Variants in FGF12 observed in about 807,000 individuals in gnomAD.
FGF12 encodes the protein fibroblast growth factor 12.
In FGF12, 14 loss-of-function variants were observed where a neutral mutation model predicts 23.6. The ratio of observed to expected loss-of-function variants is 0.59; its 90% CI spans 0.39 to 0.93. The LOEUF is 0.93. Ranked by LOEUF, FGF12 falls within the 40% of genes least tolerant of loss-of-function variation. The pLI is 0.00. For synonymous variants in FGF12, 62 were observed against 77.3 expected (o/e 0.80, Z 1.04); for missense variants, 175 against 217.8 (o/e 0.80, Z 1.24).
At chr3:192,312,882 A>G (rs975855423) in intron 4 of FGF12, among the ~76,000 whole-genome samples, 2 of 152,210 alleles carry the variant, frequency 1.3e-5, no homozygotes, top group African/African-American at 4.8e-5. Context: ...GTCTTCTACC[A>G]TGATTAAAGC....
At chr3:192,590,927 A>G (rs1238757007) in intron 2 of FGF12, among the ~76,000 whole-genome samples, 5 of 151,742 alleles carry the variant, frequency 3.3e-5, no homozygotes, top group Admixed American at 1.3e-4. Flanking sequence ...CCCCTTGCTC[A>G]CACAGTTCTC....
chr3:192,625,590 A>G (rs1204624867), intron 2 of FGF12, among the ~76,000 whole-genome samples: 1 of 152,174 alleles, frequency 6.6e-6, no homozygotes, highest in Admixed American at 6.5e-5. Context: ...CTTTTCAGAA[A>G]GCAATACAGA....
intron 2 of FGF12, among the ~76,000 whole-genome samples, chr3:192,553,263 A>C (rs1049984398): frequency 6.6e-6 from 1 of 152,092 alleles, no homozygotes; most frequent in Non-Finnish European, 1.5e-5. Flanking sequence ...TTACTAGTCA[A>C]AGTAAAAAAA....
chr3:192,380,966 A>T (rs1719790546), intron 2 of FGF12, among the ~76,000 whole-genome samples: 1 of 149,602 alleles, frequency 6.7e-6, no homozygotes, highest in Admixed American at 6.7e-5. Context: ...TATATATTTA[A>T]TGACTTGTTC....
chr3:192,488,683 C>A (rs549769986), intron 2 of FGF12, among the ~76,000 whole-genome samples: 36 of 152,142 alleles, frequency 2.4e-4, no homozygotes, highest in Admixed American at 2.0e-3. Flanking sequence ...TGGATGAGAA[C>A]CTCGTCTTGC....
intron 2 of FGF12, among the ~76,000 whole-genome samples, chr3:192,681,430 G>A (rs1026717958): frequency 2.0e-5 from 3 of 152,288 alleles, no homozygotes; most frequent in Middle Eastern, 3.4e-3. Flanking sequence ...AGTAGAGTTC[G>A]AGGTGCTTTG....
intron 2 of FGF12, among the ~76,000 whole-genome samples, chr3:192,471,640 T>G (rs1723175550): frequency 6.6e-6 from 1 of 152,336 alleles, no homozygotes; most frequent in South Asian, 2.1e-4. Flanking sequence ...TGTGTTATTA[T>G]TGTTGATTTC....
In FGF12 at chr3:192,326,522, C is replaced by T. The variant is rs570313623; in HGVS notation, c.228+8839G>A. On this transcript the variant is annotated intron_variant, in intron 4 of 5. Coordinates refer to ENST00000445105, the MANE Select transcript of FGF12 (RefSeq NM_004113.6). ...CTGACACAGCTTTTCAATATAAAAT[C>T]AGTATCGTCATCTCACAATCTTAAC... Among the ~76,000 whole-genome samples the T allele has an allele frequency of 3.3e-5, 5 of 152,250 alleles. No homozygotes were observed. The South Asian group carries it at 1.0e-3, about 32-fold the overall frequency.
At chr3:192,441,886 C>T (rs991421329) in intron 2 of FGF12, among the ~76,000 whole-genome samples, 3 of 152,150 alleles carry the variant, frequency 2.0e-5, no homozygotes, top group African/African-American at 7.2e-5. Flanking sequence ...CATACTTGTA[C>T]CAGAATTTTA....
intron 4 of FGF12, among the ~76,000 whole-genome samples, chr3:192,232,147 A>T (rs1432347916): frequency 6.6e-6 from 1 of 152,062 alleles, no homozygotes; most frequent in East Asian, 1.9e-4. Flanking sequence ...CCCAGGCTAT[A>T]TGTGGTAGCT....
chr3:192,198,967 C>T (rs113153918), intron 4 of FGF12, among the ~76,000 whole-genome samples: 158 of 152,296 alleles, frequency 1.0e-3, no homozygotes, highest in African/African-American at 3.6e-3. Context: ...GAAAATTTTA[C>T]ACATGTGTTG....
chr3:192,220,614 T>C (rs954686358), intron 4 of FGF12, among the ~76,000 whole-genome samples: 7 of 152,128 alleles, frequency 4.6e-5, no homozygotes, highest in Non-Finnish European at 8.8e-5. Flanking sequence ...TGAGATAACA[T>C]GCACACACAG....
chr3:192,300,175 G>C (rs1016331874), intron 4 of FGF12, among the ~76,000 whole-genome samples: 1 of 152,178 alleles, frequency 6.6e-6, no homozygotes, highest in African/African-American at 2.4e-5. Context: ...CCTACCAGGT[G>C]TCCTGGGTTG....
intron 5 of FGF12, among the ~76,000 whole-genome samples, chr3:192,156,193 T>C (rs1714405125): frequency 2.0e-5 from 3 of 152,138 alleles, no homozygotes. Flanking sequence ...AGACTGGAAA[T>C]AACATGAAAA....
chr3:192,226,000 G>A (rs1269084380), intron 4 of FGF12, among the ~76,000 whole-genome samples: 1 of 152,094 alleles, frequency 6.6e-6, no homozygotes, highest in Non-Finnish European at 1.5e-5. Context: ...TTATTTTGGG[G>A]GTGATGAAAA....
intron 2 of FGF12, among the ~76,000 whole-genome samples, chr3:192,449,446 CA>C (rs1017233011): frequency 1.9e-4 from 29 of 152,170 alleles, no homozygotes; most frequent in Non-Finnish European, 2.9e-4. Flanking sequence ...CCAATGTGGA[CA>C]CCATGCATCC....
At chr3:192,378,094 C>CTTTCTTTCTTTCTCT (rs1354979179) in intron 2 of FGF12, among the ~76,000 whole-genome samples, 5 of 67,158 alleles carry the variant, frequency 7.4e-5, no homozygotes, top group Non-Finnish European at 1.5e-4. Flanking sequence ...TTCTTTCTTT[C>CTTTCTTTCTTTCTCT]TTCTTTCTTT....
At chr3:192,440,073 G>T (rs1183431456) in intron 2 of FGF12, among the ~76,000 whole-genome samples, 1 of 151,986 alleles carries the variant, frequency 6.6e-6, no homozygotes, top group Non-Finnish European at 1.5e-5. Context: ...CTGAGTGGAG[G>T]TACCCAGGTG....
intron 4 of FGF12, among the ~76,000 whole-genome samples, chr3:192,331,497 AAT>A (rs1251058394): frequency 6.6e-6 from 1 of 152,094 alleles, no homozygotes; most frequent in East Asian, 1.9e-4. Flanking sequence ...CATACAATGG[AAT>A]ATTTTTAAAC....
Sources: gnomAD v4.1 joint callset for allele counts (sites outside exome capture counted in the v4.1 genomes callset) on GRCh38, gnomAD v4.1.1 for gene constraint, MANE v1.5 for transcripts, NCBI Gene and HGNC (gene_info 2026-07-23, HGNC 2026-07-21) for gene names.